NEDD4: variants seen among roughly 807,000 people sequenced by gnomAD.
The protein encoded by NEDD4 is NEDD4 E3 ubiquitin protein ligase, also known as E3 ubiquitin-protein ligase NEDD4.
In NEDD4, 99 loss-of-function variants were observed where a neutral mutation model predicts 144.9. The observed-to-expected ratio is 0.68, with a 90% confidence interval of 0.58 to 0.81. The LOEUF is 0.81. NEDD4 is among the 30% of genes least tolerant of loss of function. The pLI is 0.00. For missense variants in NEDD4, 985 were observed against 1,065.9 expected (o/e 0.92, Z 1.06); for synonymous variants, 318 against 350.6 (o/e 0.91, Z 1.04).
chr15:55,929,010 T>C (rs1481123813), intron 4 of NEDD4, among the ~76,000 whole-genome samples: 1 of 152,150 alleles, frequency 6.6e-6, no homozygotes, highest in Non-Finnish European at 1.5e-5. Context: ...GTAAAAGATA[T>C]AAAACCATTA....
chr15:55,981,615 A>AT (rs1392779112), intron 1 of NEDD4, among the ~76,000 whole-genome samples: 1 of 152,228 alleles, frequency 6.6e-6, no homozygotes, highest in Non-Finnish European at 1.5e-5. Flanking sequence ...AGTTTTTGAC[A>AT]GTAATAACCA....
intron 4 of NEDD4, among the ~76,000 whole-genome samples, chr15:55,931,479 T>C (rs2036780381): frequency 6.6e-6 from 1 of 151,800 alleles, no homozygotes; most frequent in South Asian, 2.1e-4. Flanking sequence ...AAAAATAGAG[T>C]TTATAAGATG....
chr15:55,976,350 T>C lies in NEDD4; in HGVS notation c.46-9804A>G, dbSNP rs115294481. Among the ~76,000 whole-genome samples, 1,398 of 152,124 alleles carry C rather than the reference T, an allele frequency of 9.2e-3. 10 individuals carry two copies. Among genetic ancestry groups the C allele is most frequent in the African/African-American group, 0.03 (1,229 of 41,492 alleles). Reference sequence around the variant, plus strand: ...CAACAAGAGACTAATCACTAGAAAATATATGAAGCTCAAACAACTCAATAG... The same window carrying C: ...CAACAAGAGACTAATCACTAGAAAACATATGAAGCTCAAACAACTCAATAG... On this transcript the variant is annotated intron_variant, in intron 1 of 28. Coordinates refer to ENST00000435532, the MANE Select transcript of NEDD4 (RefSeq NM_006154.4).
intron 8 of NEDD4, among the ~76,000 whole-genome samples, chr15:55,863,728 G>C (rs989264460): frequency 1.3e-5 from 2 of 152,120 alleles, no homozygotes; most frequent in African/African-American, 4.8e-5. Context: ...ACTGAATGAA[G>C]GGCAAGGATT....
At chr15:55,871,845 T>C (rs1333401932) in intron 7 of NEDD4, among the ~76,000 whole-genome samples, 8 of 152,218 alleles carry the variant, frequency 5.3e-5, no homozygotes, top group African/African-American at 1.9e-4. Context: ...CACTAGATTT[T>C]ACTTGTCAAT....
chr15:55,935,628 A>G (rs1191693203), intron 4 of NEDD4, among the ~76,000 whole-genome samples: 1 of 152,018 alleles, frequency 6.6e-6, no homozygotes, highest in African/African-American at 2.4e-5. Flanking sequence ...CAGACGGATC[A>G]TGAGGTCAGG....
intron 5 of NEDD4, among the ~76,000 whole-genome samples, chr15:55,922,436 C>T (rs1026610818): frequency 3.3e-5 from 5 of 152,194 alleles, no homozygotes; most frequent in African/African-American, 4.8e-5. Flanking sequence ...TATCTTGGCT[C>T]ACTGCAACCT....
rs1346485111 is a variant in NEDD4, at chr15:55,834,142, G to A, written c.2326C>T (p.Leu776Phe). ...KIFDENELEL[L>F]MCGLGDVDVN... ...TCAACATCTCCCAGTCCACACATAA[G>A]AAGCTACATAAGAAATGTCAAATTA... The change falls in exon 26 of 29, where the codon CTT becomes TTT. Residue 776 changes from leucine (L) to phenylalanine (F), a missense_variant. Transcript: ENST00000435532. 6.2e-7 allele frequency: 1 copy of A among 1,612,634 alleles called. No homozygotes were observed. Among genetic ancestry groups the A allele is most frequent in the Non-Finnish European group, 8.5e-7 (1 of 1,179,402 alleles).
chr15:55,989,920 C>T (rs1219899526), intron 1 of NEDD4, among the ~76,000 whole-genome samples: 2 of 152,128 alleles, frequency 1.3e-5, no homozygotes, highest in African/African-American at 4.8e-5. Context: ...GATCACATTA[C>T]CTCCGGAGCT....
At chr15:55,916,611 A>G (rs1461917957) in intron 5 of NEDD4, 1 of 1,614,044 alleles carries the variant, frequency 6.2e-7, no homozygotes, top group South Asian at 1.1e-5. Flanking sequence ...AGATGAGGGA[A>G]CAGATGATCT....
chr15:55,949,433 C>T (rs1595869234), intron 4 of NEDD4, among the ~76,000 whole-genome samples: 1 of 152,288 alleles, frequency 6.6e-6, no homozygotes, highest in African/African-American at 2.4e-5. Context: ...CCATTTGACC[C>T]AGCAATCCCA....
chr15:55,842,009 A>T lies in NEDD4; in HGVS notation c.1763T>A (p.Val588Asp), dbSNP rs1235441052. The T allele has an allele frequency of 6.2e-7, 1 of 1,614,126 alleles. No individual in the cohort carries two copies. Among genetic ancestry groups the T allele is most frequent in the East Asian group, 2.2e-5 (1 of 44,874 alleles). ...DGEKGLDYGG[V>D]AREWFFLISK... ...GATCAGGAAGAACCATTCTCTGGCA[A>T]CTCCTCCATAATCCAATCCCTTTTC... is the stretch of plus-strand genomic sequence containing the variant. The change falls in exon 19 of 29, where the codon GTT becomes GAT. Residue 588 changes from valine (V) to aspartate (D), a missense_variant. Val to Asp is a radical substitution (Grantham distance 152, BLOSUM62 -3). Coordinates refer to ENST00000435532, the MANE Select transcript of NEDD4 (RefSeq NM_006154.4).
At chr15:55,962,535 C>T (rs1288565655) in intron 2 of NEDD4, among the ~76,000 whole-genome samples, 1 of 152,128 alleles carries the variant, frequency 6.6e-6, no homozygotes, top group Non-Finnish European at 1.5e-5. Context: ...CCTCCATCTC[C>T]CAGGTTCAAG....
Position 55,828,912 on chromosome 15 carries a change from A to G in NEDD4, c.*985T>C, listed in dbSNP as rs1346460676. The G allele has an allele frequency of 6.5e-6, 1 of 152,780 alleles. No individual in the cohort carries two copies. The highest frequency in any genetic ancestry group is 1.9e-4 in the East Asian group (1 of 5,186). The allele number at this position is 152,780 out of a possible 1,614,324, so 9.5% of individuals were successfully genotyped here. On this transcript the variant is annotated 3_prime_UTR_variant, in exon 29 of 29. Coordinates refer to ENST00000435532, the MANE Select transcript of NEDD4 (RefSeq NM_006154.4). ...ATACTAAAAATATAAAAATGCGACT[A>G]CAGAAATTAGCTTAATCTGTAAACA...
chr15:55,948,198 A>G (rs1331828036), intron 4 of NEDD4, among the ~76,000 whole-genome samples: 1 of 152,216 alleles, frequency 6.6e-6, no homozygotes, highest in Non-Finnish European at 1.5e-5. Context: ...ACTCCCATTC[A>G]CAATTGCTTC....
chr15:55,929,707 T>C (rs1484930248), intron 4 of NEDD4, among the ~76,000 whole-genome samples: 1 of 152,244 alleles, frequency 6.6e-6, no homozygotes, highest in African/African-American at 2.4e-5. Context: ...AGATGATTTT[T>C]CTGTTTTATC....
chr15:55,835,963 G>A (rs1295884415), intron 24 of NEDD4, among the ~76,000 whole-genome samples: 3 of 152,000 alleles, frequency 2.0e-5, no homozygotes, highest in Non-Finnish European at 4.4e-5. Flanking sequence ...TCACACACAG[G>A]CCCTGTATAA....
intron 5 of NEDD4, among the ~76,000 whole-genome samples, chr15:55,894,535 C>G (rs940811231): frequency 1.3e-5 from 2 of 152,094 alleles, no homozygotes; most frequent in Non-Finnish European, 2.9e-5. Context: ...CCTTAGAAAC[C>G]CTCACATCTT....
intron 4 of NEDD4, among the ~76,000 whole-genome samples, chr15:55,931,710 G>C (rs1336592847): frequency 2.0e-5 from 3 of 152,186 alleles, no homozygotes; most frequent in Non-Finnish European, 2.9e-5. Context: ...AATTCTGCCA[G>C]TGGTTGTGGG....
Sources: allele counts gnomAD v4.1 joint callset (sites outside exome capture counted in the v4.1 genomes callset), GRCh38; gene constraint gnomAD v4.1.1; transcripts MANE v1.5; gene names NCBI Gene and HGNC (gene_info 2026-07-23, HGNC 2026-07-21).